CAMK1D: variants seen among roughly 807,000 people sequenced by gnomAD.
CAMK1D encodes the protein calcium/calmodulin dependent protein kinase ID.
In CAMK1D, 9 loss-of-function variants were observed where a neutral mutation model predicts 47.7. That is an observed-to-expected ratio of 0.19 (90% CI 0.11 to 0.33). The LOEUF is 0.33. Ranked by LOEUF, CAMK1D falls within the 10% of genes least tolerant of loss-of-function variation. The pLI is 1.00. For missense variants in CAMK1D, 291 were observed against 488.7 expected (o/e 0.60, Z 3.81); for synonymous variants, 184 against 184.9 (o/e 0.99, Z 0.04).
chr10:12,474,196 G>C (rs534067168), intron 1 of CAMK1D, among the ~76,000 whole-genome samples: 11 of 117,764 alleles, frequency 9.3e-5, no homozygotes, highest in Admixed American at 8.3e-4. Flanking sequence ...AATGAGGATC[G>C]TTCTTTTTTT....
intron 3 of CAMK1D, among the ~76,000 whole-genome samples, chr10:12,676,944 T>C (rs982076682): frequency 6.6e-6 from 1 of 152,226 alleles, no homozygotes; most frequent in Non-Finnish European, 1.5e-5. Context: ...TGTTTATTTC[T>C]TATATAATTT....
chr10:12,825,447 A>G (rs1833166721), intron 9 of CAMK1D, 126 bp from the exon 10 acceptor site: 4 of 848,026 alleles, frequency 4.7e-6, no homozygotes, highest in Non-Finnish European at 7.1e-6. Flanking sequence ...TTCCTTCTTG[A>G]GTAGCATGAG....
intron 1 of CAMK1D, among the ~76,000 whole-genome samples, chr10:12,362,966 G>A (rs1200264604): frequency 8.2e-6 from 1 of 122,564 alleles, no homozygotes. Context: ...TTTGAGATAG[G>A]GTCTCACTCT....
intron 2 of CAMK1D, among the ~76,000 whole-genome samples, chr10:12,578,044 T>A (rs1368033706): frequency 6.6e-6 from 1 of 152,220 alleles, no homozygotes; most frequent in Non-Finnish European, 1.5e-5. Flanking sequence ...ACAGCAACTC[T>A]GCACGGAAGG....
intron 1 of CAMK1D, among the ~76,000 whole-genome samples, chr10:12,505,127 A>G (rs1400004342): frequency 6.6e-6 from 1 of 152,154 alleles, no homozygotes; most frequent in Non-Finnish European, 1.5e-5. Flanking sequence ...GAGCATTGTT[A>G]ACCCCATCCT....
At chr10:12,761,362 G>T (rs568199599) in intron 4 of CAMK1D, among the ~76,000 whole-genome samples, 201 of 152,242 alleles carry the variant, frequency 1.3e-3, no homozygotes, top group African/African-American at 4.5e-3. Context: ...GTTATATATT[G>T]CTTCGAGCCT....
intron 2 of CAMK1D, among the ~76,000 whole-genome samples, chr10:12,601,918 G>A (rs1297927616): frequency 6.6e-6 from 1 of 152,220 alleles, no homozygotes; most frequent in Non-Finnish European, 1.5e-5. Context: ...GCTCTTAGGA[G>A]GAAACAGGAA....
intron 2 of CAMK1D, among the ~76,000 whole-genome samples, chr10:12,660,255 GCTTTTTCTTT>G (rs1297652868): frequency 2.6e-5 from 4 of 152,082 alleles, no homozygotes; most frequent in Non-Finnish European, 4.4e-5. Flanking sequence ...TTTGTGCTTT[GCTTTTTCTTT>G]CTTTTTCTTA....
intron 2 of CAMK1D, among the ~76,000 whole-genome samples, chr10:12,593,861 GA>G (rs905786398): frequency 2.0e-5 from 3 of 152,152 alleles, no homozygotes; most frequent in African/African-American, 4.8e-5. Context: ...TGCTGGATTG[GA>G]AGTTGCGTTG....
intron 1 of CAMK1D, among the ~76,000 whole-genome samples, chr10:12,504,793 C>T (rs1467068254): frequency 1.3e-5 from 2 of 152,168 alleles, no homozygotes; most frequent in African/African-American, 4.8e-5. Context: ...TCTCTTACTA[C>T]CTCCCGGGAC....
chr10:12,732,950 C>T (rs1215830086), intron 3 of CAMK1D, among the ~76,000 whole-genome samples: 1 of 152,020 alleles, frequency 6.6e-6, no homozygotes, highest in Non-Finnish European at 1.5e-5. Context: ...TGAATGGAGA[C>T]AATAGCACAT....
chr10:12,698,862 G>A (rs1176695589), intron 3 of CAMK1D, among the ~76,000 whole-genome samples: 2 of 151,674 alleles, frequency 1.3e-5, no homozygotes, highest in African/African-American at 4.8e-5. Context: ...TAGTAGAGAC[G>A]GGGTTTCACC....
chr10:12,559,541 A>G (rs1836871404), intron 2 of CAMK1D, among the ~76,000 whole-genome samples: 1 of 152,034 alleles, frequency 6.6e-6, no homozygotes. Flanking sequence ...ATGTGTACAG[A>G]TGTGTCCGCA....
chr10:12,350,394 G>T (rs189315442), intron 1 of CAMK1D, among the ~76,000 whole-genome samples: 187 of 152,362 alleles, frequency 1.2e-3, no homozygotes, highest in African/African-American at 4.1e-3. Context: ...CACGTACGAG[G>T]TGTAGGCAAG....
At chr10:12,585,004 C>T (rs1270407700) in intron 2 of CAMK1D, among the ~76,000 whole-genome samples, 1 of 152,118 alleles carries the variant, frequency 6.6e-6, no homozygotes, top group East Asian at 1.9e-4. Context: ...TAAAAGACTA[C>T]CAGGAACATT....
chr10:12,455,346 A>AT lies in CAMK1D; in HGVS notation c.93-97872dup, dbSNP rs201225086. Reference sequence around the variant, plus strand: ...ACCACCACACCCAGCTAATTTTCGTATTTTTTTGTAGAGACAGGGGTTTTG... The same window carrying AT: ...ACCACCACACCCAGCTAATTTTCGTATTTTTTTTGTAGAGACAGGGGTTTTG... On this transcript the variant is annotated intron_variant, in intron 1 of 10. Coordinates refer to ENST00000619168, the MANE Select transcript of CAMK1D (RefSeq NM_153498.4). Among the ~76,000 whole-genome samples the AT allele has an allele frequency of 1.2e-3, 183 of 152,012 alleles. 5 individuals carry two copies. The East Asian group carries it at 0.025, about 21-fold the overall frequency.
intron 1 of CAMK1D, 25 bp downstream of exon 1, chr10:12,349,935 G>T: frequency 6.9e-7 from 1 of 1,451,078 alleles, no homozygotes; most frequent in Non-Finnish European, 9.3e-7. Flanking sequence ...GGGAGGCGAG[G>T]GTGGAGGTGG....
chr10:12,784,160 C>CT (rs1335976807), intron 5 of CAMK1D, among the ~76,000 whole-genome samples: 1 of 151,938 alleles, frequency 6.6e-6, no homozygotes, highest in African/African-American at 2.4e-5. Context: ...CCCTTTGCCC[C>CT]TAAACCTGGT....
At chr10:12,604,542 A>G (rs115640316) in intron 2 of CAMK1D, among the ~76,000 whole-genome samples, 62 of 152,310 alleles carry the variant, frequency 4.1e-4, no homozygotes, top group African/African-American at 1.5e-3. Flanking sequence ...ACTTGATGCT[A>G]TTCAGAGTCT....
Sources: allele counts gnomAD v4.1 joint callset (sites outside exome capture counted in the v4.1 genomes callset), GRCh38; gene constraint gnomAD v4.1.1; transcripts MANE v1.5; gene names NCBI Gene and HGNC (gene_info 2026-07-23, HGNC 2026-07-21).